ZNF627: variants seen among roughly 807,000 people sequenced by gnomAD.
ZNF627 encodes the protein zinc finger protein 627.
In ZNF627, 12 loss-of-function variants were observed where a neutral mutation model predicts 10.6. The ratio of observed to expected loss-of-function variants is 1.13; its 90% CI spans 0.73 to 1.84. The LOEUF is 1.84. ZNF627 is among the 40% of genes most tolerant of loss of function. The probability of loss-of-function intolerance (pLI) is 0.00; values close to 1 mark genes in which losing one functional copy is unlikely to be tolerated. For synonymous variants in ZNF627, 176 were observed against 187.1 expected (o/e 0.94, Z 0.48); for missense variants, 504 against 568.4 (o/e 0.89, Z 1.15).
At chr19:11,607,714 G>T (rs1414493233) in intron 1 of ZNF627, among the ~76,000 whole-genome samples, 5 of 152,276 alleles carry the variant, frequency 3.3e-5, no homozygotes, top group Admixed American at 2.6e-4. Flanking sequence ...ATCACTACCA[G>T]CATTTTGGTC....
rs533266979 is a variant in ZNF627, at chr19:11,618,909, G to A, written c.*1020G>A. On this transcript the variant is annotated 3_prime_UTR_variant, in exon 4 of 4. Transcript: ENST00000361113. ...ATTGTTAAGACACTGTGAAGTCAGC[G>A]TTAACCATGTGCATACAACTTAAGG... 7.9e-5 allele frequency: 12 copies of A among 152,300 alleles called. No homozygotes were observed. The highest frequency in any genetic ancestry group is 4.1e-4 in the South Asian group (2 of 4,826). 9.4% of individuals were successfully genotyped at this position (152,300 alleles called of 1,614,324 possible).
intron 1 of ZNF627, among the ~76,000 whole-genome samples, chr19:11,611,703 G>A (rs1452158505): frequency 3.3e-5 from 5 of 152,150 alleles, no homozygotes; most frequent in Admixed American, 2.0e-4. Flanking sequence ...GTGACAGAAG[G>A]GTGGGTTTTG....
chr19:11,603,882 A>G (rs2145125231), intron 1 of ZNF627, among the ~76,000 whole-genome samples: 1 of 151,682 alleles, frequency 6.6e-6, no homozygotes, highest in East Asian at 1.9e-4. Context: ...ATCACTGCTC[A>G]CTGCAGGCTA....
At chr19:11,612,827 G>T (rs978526049) in intron 1 of ZNF627, among the ~76,000 whole-genome samples, 1 of 151,426 alleles carries the variant, frequency 6.6e-6, no homozygotes, top group Non-Finnish European at 1.5e-5. Context: ...TGTTACATGG[G>T]TAAATTGCGT....
At chr19:11,606,656 G>A (rs1452161832) in intron 1 of ZNF627, among the ~76,000 whole-genome samples, 1 of 152,216 alleles carries the variant, frequency 6.6e-6, no homozygotes, top group Non-Finnish European at 1.5e-5. Flanking sequence ...TTTCTCTTCT[G>A]CGCTGCCCTA....
At chr19:11,603,851 A>G (rs1973629255) in intron 1 of ZNF627, among the ~76,000 whole-genome samples, 1 of 151,856 alleles carries the variant, frequency 6.6e-6, no homozygotes, top group Admixed American at 6.6e-5. Flanking sequence ...TCTGTCACCC[A>G]GGCTTGAGTG....
Position 11,617,992 on chromosome 19 carries a change from A to C in ZNF627, c.*103A>C. ...AACTACGTGAAAGGATTCACAGTGG[A>C]GAAAGACCCTGTAAGATAATTGGCT... On this transcript the variant is annotated 3_prime_UTR_variant, in exon 4 of 4. Coordinates refer to ENST00000361113, the MANE Select transcript of ZNF627 (RefSeq NM_145295.4). The C allele has an allele frequency of 1.0e-6, 1 of 968,452 alleles. No homozygotes were observed. The highest frequency in any genetic ancestry group is 1.5e-6 in the Non-Finnish European group (1 of 675,634). The allele number at this position is 968,452 out of a possible 1,614,324, so 60.0% of individuals were successfully genotyped here.
At chr19:11,600,396 C>T (rs968449781) in intron 1 of ZNF627, among the ~76,000 whole-genome samples, 5 of 151,914 alleles carry the variant, frequency 3.3e-5, no homozygotes, top group East Asian at 1.9e-4. Flanking sequence ...TCCATGATTG[C>T]GCCACTGCAC....
chr19:11,611,975 G>A (rs561159700), intron 1 of ZNF627, among the ~76,000 whole-genome samples: 2 of 151,972 alleles, frequency 1.3e-5, no homozygotes, highest in Non-Finnish European at 2.9e-5. Flanking sequence ...ATTTGTTGGG[G>A]ACTAGTATAG....
chr19:11,604,767 T>C (rs984302174), intron 1 of ZNF627, among the ~76,000 whole-genome samples: 1 of 152,170 alleles, frequency 6.6e-6, no homozygotes, highest in South Asian at 2.1e-4. Context: ...CAGTGAGTCA[T>C]GACAGCTGTA....
intron 1 of ZNF627, 82 bp from the exon 2 acceptor site, chr19:11,614,445 T>A (rs1973830857): frequency 6.3e-7 from 1 of 1,589,824 alleles, no homozygotes; most frequent in Non-Finnish European, 8.6e-7. Context: ...CATAGCATCC[T>A]GAGAACTTCT....
intron 3 of ZNF627, among the ~76,000 whole-genome samples, chr19:11,615,296 T>G (rs944456625): frequency 6.6e-6 from 1 of 151,324 alleles, no homozygotes; most frequent in African/African-American, 2.4e-5. Flanking sequence ...TCAAACTGTT[T>G]TGTTTTTAGA....
chr19:11,605,937 T>C (rs1973666756), intron 1 of ZNF627, among the ~76,000 whole-genome samples: 1 of 152,190 alleles, frequency 6.6e-6, no homozygotes, highest in Non-Finnish European at 1.5e-5. Context: ...GATACAGTCA[T>C]TGGGTAAATA....
intron 1 of ZNF627, among the ~76,000 whole-genome samples, chr19:11,598,721 T>C (rs1306261469): frequency 6.6e-6 from 1 of 152,248 alleles, no homozygotes; most frequent in East Asian, 1.9e-4. Context: ...TAATTTGTAT[T>C]ATTTTTTCAA....
In ZNF627 at chr19:11,612,118, C is replaced by CTTTTTTTTTT. The variant is rs533449447; in HGVS notation, c.4-2398_4-2389dup. On this transcript the variant is annotated intron_variant, in intron 1 of 3. Coordinates refer to ENST00000361113, the MANE Select transcript of ZNF627 (RefSeq NM_145295.4). ...TGTATGTAAGTTAAGGGTCCAACTGCTTTTTTTTTTTTTTTTTTTTGAGAT... is the reference window on the plus strand; with the variant it reads ...TGTATGTAAGTTAAGGGTCCAACTGCTTTTTTTTTTTTTTTTTTTTTTTTTTTTTTGAGAT... 2.5e-4 allele frequency among the ~76,000 whole-genome samples: 23 copies of CTTTTTTTTTT among 91,712 alleles called. 1 individual carries two copies. Among genetic ancestry groups the CTTTTTTTTTT allele is most frequent in the Non-Finnish European group, 3.9e-4 (19 of 48,664 alleles). The allele number at this position is 91,712 out of a possible 152,430, so 60.2% of individuals were successfully genotyped here.
At chr19:11,598,366 C>CT (rs1973528877) in intron 1 of ZNF627, among the ~76,000 whole-genome samples, 1 of 152,124 alleles carries the variant, frequency 6.6e-6, no homozygotes, top group South Asian at 2.1e-4. Context: ...GACCCCATCT[C>CT]TGTTAATTTT....
intron 1 of ZNF627, among the ~76,000 whole-genome samples, chr19:11,609,774 T>C (rs2145132365): frequency 6.6e-6 from 1 of 152,034 alleles, no homozygotes; most frequent in Admixed American, 6.6e-5. Flanking sequence ...CACCTTGGCC[T>C]CCCAAAGTGC....
rs190756021 is a variant in ZNF627 at position 11,616,738 on chromosome 19, G to A, written c.235G>A (p.Gly79Ser). The A allele has an allele frequency of 5.1e-5, 82 of 1,608,686 alleles. No individual in the cohort carries two copies. The African/African-American group carries it at 9.2e-4, about 18-fold the overall frequency. Reference sequence around the variant, plus strand: ...CTGTGAAAGTAAAGAAGGTGGTCAAGGTGAAGAAACCTTCAGCCAGATTCC... The same window carrying A: ...CTGTGAAAGTAAAGAAGGTGGTCAAAGTGAAGAAACCTTCAGCCAGATTCC... ...RLCESKEGGQ[G>S]EETFSQIPDG... Residue 79 changes from glycine (G) to serine (S), a missense_variant, in exon 4 of 4, where the codon GGT (glycine) becomes AGT (serine). Transcript: ENST00000361113.
chr19:11,616,600 TA>T, intron 3 of ZNF627, 94 bp from the exon 4 acceptor site: 1 of 870,256 alleles, frequency 1.1e-6, no homozygotes, highest in Non-Finnish European at 1.7e-6. Context: ...TCTCTGTATT[TA>T]AAAACAAGTA....
Sources: allele counts gnomAD v4.1 joint callset (sites outside exome capture counted in the v4.1 genomes callset), GRCh38; gene constraint gnomAD v4.1.1; transcripts MANE v1.5; gene names NCBI Gene and HGNC (gene_info 2026-07-23, HGNC 2026-07-21).